The following SGCZ variants were observed in gnomAD, a reference collection of about 807,000 sequenced individuals.
SGCZ encodes sarcoglycan zeta, also known as zeta-sarcoglycan.
SGCZ carries 40 observed loss-of-function variants against 41.3 expected under a neutral mutation model. That is an observed-to-expected ratio of 0.97 (90% CI 0.75 to 1.26). The LOEUF (loss-of-function observed/expected upper bound fraction) is 1.26. SGCZ is among the 50% of genes most tolerant of loss of function. The pLI, the probability that SGCZ is intolerant of heterozygous loss-of-function variation, is 0.00. For synonymous variants in SGCZ, 206 were observed against 137.5 expected (o/e 1.50, Z -3.49); for missense variants, 552 against 369.8 (o/e 1.49, Z -4.04).
chr8:14,264,931 C>A (rs934923900), intron 3 of SGCZ, among the ~76,000 whole-genome samples: 1 of 152,164 alleles, frequency 6.6e-6, no homozygotes, highest in African/African-American at 2.4e-5. Context: ...CCACTGCACT[C>A]CGGCCTGGGT....
rs1805493240 is a variant in SGCZ, at chr8:14,598,686, C to T, written c.40-43760G>A. Among the ~76,000 whole-genome samples the T allele has an allele frequency of 2.6e-5, 4 of 151,912 alleles. 1 individual carries two copies. The highest frequency in any genetic ancestry group is 4.2e-4 in the South Asian group (2 of 4,812). Reference sequence around the variant, plus strand: ...TGGACTATAGGTGGGCCATCACACCCGGCTAATTTTTTTTTGTAATTTTTG... The same window carrying T: ...TGGACTATAGGTGGGCCATCACACCTGGCTAATTTTTTTTTGTAATTTTTG... On this transcript the variant is annotated intron_variant, in intron 1 of 7. Coordinates refer to ENST00000382080, the MANE Select transcript of SGCZ (RefSeq NM_139167.4).
At chr8:14,717,835 C>A (rs1279226411) in intron 1 of SGCZ, among the ~76,000 whole-genome samples, 1 of 151,946 alleles carries the variant, frequency 6.6e-6, no homozygotes, top group Non-Finnish European at 1.5e-5. Context: ...TCACCTAAAT[C>A]CACTCTAGTA....
rs902559024 is a variant in SGCZ at position 14,432,843 on chromosome 8, G to A, written c.235-108639C>T. Among the ~76,000 whole-genome samples, 3 of 145,896 alleles carry A rather than the reference G, an allele frequency of 2.1e-5. No homozygotes were observed. In the East Asian group the frequency reaches 6.2e-4, roughly 30 times the overall value. ...GCAGGAGAATCACTTGAACCCAGGAGGAGGAGGTTGCAGTAAGCCAAGATC... is the reference window on the plus strand; with the variant it reads ...GCAGGAGAATCACTTGAACCCAGGAAGAGGAGGTTGCAGTAAGCCAAGATC... On this transcript the variant is annotated intron_variant, in intron 2 of 7. Coordinates refer to ENST00000382080, the MANE Select transcript of SGCZ (RefSeq NM_139167.4).
chr8:14,955,907 A>G (rs931994870), intron 1 of SGCZ, among the ~76,000 whole-genome samples: 1 of 152,240 alleles, frequency 6.6e-6, no homozygotes, highest in African/African-American at 2.4e-5. Context: ...TTTTAATGCC[A>G]TTGAATGTAC....
chr8:14,466,258 G>GT (rs1000161712), intron 2 of SGCZ, among the ~76,000 whole-genome samples: 11 of 151,922 alleles, frequency 7.2e-5, no homozygotes, highest in South Asian at 2.1e-4. Flanking sequence ...TTGGTTGCCA[G>GT]TTTTTTTGTT....
intron 3 of SGCZ, among the ~76,000 whole-genome samples, chr8:14,295,776 T>C (rs1456287345): frequency 6.6e-6 from 1 of 152,022 alleles, no homozygotes; most frequent in Non-Finnish European, 1.5e-5. Flanking sequence ...GAGCAACCAA[T>C]AGATTGAATG....
intron 1 of SGCZ, among the ~76,000 whole-genome samples, chr8:14,837,932 T>C (rs770415319): frequency 2.0e-5 from 3 of 152,162 alleles, no homozygotes; most frequent in Non-Finnish European, 4.4e-5. Context: ...AACATTCCAA[T>C]TCCACTCTTT....
At chr8:15,073,417 C>T (rs569525289) in intron 1 of SGCZ, among the ~76,000 whole-genome samples, 1 of 152,140 alleles carries the variant, frequency 6.6e-6, no homozygotes, top group East Asian at 1.9e-4. Flanking sequence ...AGTAACAATT[C>T]ACAATAAATT....
chr8:14,242,913 A>C (rs1258461486), intron 3 of SGCZ, among the ~76,000 whole-genome samples: 1 of 152,168 alleles, frequency 6.6e-6, no homozygotes, highest in Non-Finnish European at 1.5e-5. Context: ...ATACTTTAAA[A>C]TTTCTTTAAG....
chr8:14,760,213 G>C (rs1013862116), intron 1 of SGCZ, among the ~76,000 whole-genome samples: 1 of 152,080 alleles, frequency 6.6e-6, no homozygotes, highest in Non-Finnish European at 1.5e-5. Flanking sequence ...TTACCAAATA[G>C]CCAAAGCCCA....
intron 1 of SGCZ, among the ~76,000 whole-genome samples, chr8:15,039,484 T>C (rs745446306): frequency 6.6e-6 from 1 of 152,080 alleles, no homozygotes; most frequent in Admixed American, 6.5e-5. Context: ...TGGGTGGGGT[T>C]GGGAAAATCA....
At chr8:15,074,131 G>T (rs565009738) in intron 1 of SGCZ, among the ~76,000 whole-genome samples, 3 of 152,064 alleles carry the variant, frequency 2.0e-5, no homozygotes, top group African/African-American at 7.2e-5. Context: ...CCATCCAACC[G>T]TCACTGACTC....
At chr8:15,114,303 T>C (rs538181863) in intron 1 of SGCZ, among the ~76,000 whole-genome samples, 2 of 152,300 alleles carry the variant, frequency 1.3e-5, no homozygotes, top group African/African-American at 4.8e-5. Context: ...CTGCATAACC[T>C]CAAATCATTT....
At chr8:14,886,656 A>T (rs1223463530) in intron 1 of SGCZ, among the ~76,000 whole-genome samples, 1 of 152,084 alleles carries the variant, frequency 6.6e-6, no homozygotes, top group Non-Finnish European at 1.5e-5. Context: ...AAAGAAAGAG[A>T]TGAGATCAGA....
chr8:14,655,531 G>C (rs1218320935), intron 1 of SGCZ, among the ~76,000 whole-genome samples: 1 of 152,114 alleles, frequency 6.6e-6, no homozygotes, highest in Non-Finnish European at 1.5e-5. Context: ...TTAATTTTGA[G>C]TGTGTAGATG....
intron 1 of SGCZ, among the ~76,000 whole-genome samples, chr8:14,573,488 G>T (rs1018431478): frequency 6.6e-6 from 1 of 152,004 alleles, no homozygotes; most frequent in Non-Finnish European, 1.5e-5. Context: ...GCGCCCGGCC[G>T]CAAGTCTTTT....
At chr8:14,454,149 T>A (rs565757511) in intron 2 of SGCZ, among the ~76,000 whole-genome samples, 1 of 152,314 alleles carries the variant, frequency 6.6e-6, no homozygotes, top group South Asian at 2.1e-4. Context: ...CCTTCAGATA[T>A]TCTGTGTCAG....
chr8:15,108,522 G>T (rs568865719), intron 1 of SGCZ, among the ~76,000 whole-genome samples: 1 of 152,252 alleles, frequency 6.6e-6, no homozygotes, highest in South Asian at 2.1e-4. Context: ...TTGAACAACT[G>T]TGCTAAGAGC....
At chr8:15,141,043 C>G (rs550203056) in intron 1 of SGCZ, among the ~76,000 whole-genome samples, 1 of 152,336 alleles carries the variant, frequency 6.6e-6, no homozygotes, top group East Asian at 1.9e-4. Context: ...CTGGCTACAT[C>G]TTACATTTCT....
Sources: allele counts gnomAD v4.1 joint callset (sites outside exome capture counted in the v4.1 genomes callset), GRCh38; gene constraint gnomAD v4.1.1; transcripts MANE v1.5; gene names NCBI Gene and HGNC (gene_info 2026-07-23, HGNC 2026-07-21).